PCCA: variants seen among roughly 807,000 people sequenced by gnomAD.
PCCA encodes the protein propionyl-CoA carboxylase alpha chain, mitochondrial.
A neutral mutation model predicts 101.3 loss-of-function variants in PCCA; 74 were observed. The observed-to-expected ratio is 0.73, with a 90% CI of 0.61 to 0.89. PCCA has a LOEUF of 0.89. Among genes scored for constraint, PCCA ranks in the 40% least tolerant of loss-of-function variants. The probability of loss-of-function intolerance (pLI) is 0.00; values close to 1 mark genes in which losing one functional copy is unlikely to be tolerated. For synonymous variants in PCCA, 294 were observed against 313.6 expected (o/e 0.94, Z 0.66); for missense variants, 891 against 907.0 (o/e 0.98, Z 0.23).
chr13:100,291,153 C>T (rs968370905), intron 12 of PCCA, among the ~76,000 whole-genome samples: 2 of 152,172 alleles, frequency 1.3e-5, no homozygotes, highest in African/African-American at 4.8e-5. Context: ...TGGCTCATGC[C>T]TGTAATCCCA....
chr13:100,492,008 G>A (rs188750070), intron 21 of PCCA, among the ~76,000 whole-genome samples: 2 of 152,302 alleles, frequency 1.3e-5, no homozygotes, highest in East Asian at 3.9e-4. Context: ...TTTTTGGAAT[G>A]TAGGGAAAGA....
At chr13:100,524,065 C>T (rs547231251) in intron 22 of PCCA, among the ~76,000 whole-genome samples, 1 of 152,336 alleles carries the variant, frequency 6.6e-6, no homozygotes, top group African/African-American at 2.4e-5. Flanking sequence ...CCCTGGTGTA[C>T]CCTACATGTA....
chr13:100,225,770 A>G (rs1382001571), intron 7 of PCCA, among the ~76,000 whole-genome samples: 1 of 152,350 alleles, frequency 6.6e-6, no homozygotes. Flanking sequence ...AATGATAGAA[A>G]AGTGTACTAA....
At position 100,300,996 on chromosome 13, in the gene PCCA, G is replaced by C. The variant is rs1404722140; in HGVS notation, c.1066-464G>C. ...CAAGATTACACTAATCTGGCTGCTT[G>C]TCAGGACAGGTTAGTGAAAGCATGC... is the stretch of plus-strand genomic sequence containing the variant. On this transcript the variant is annotated intron_variant, in intron 12 of 23. Coordinates refer to ENST00000376285, the MANE Select transcript of PCCA (RefSeq NM_000282.4). Among the ~76,000 whole-genome samples, 3 of 152,244 alleles carry C rather than the reference G, an allele frequency of 2.0e-5. No homozygotes were observed. In the East Asian group the frequency reaches 5.8e-4, roughly 29 times the overall value.
At chr13:100,176,759 A>G (rs775723310) in intron 6 of PCCA, among the ~76,000 whole-genome samples, 1 of 152,232 alleles carries the variant, frequency 6.6e-6, no homozygotes, top group African/African-American at 2.4e-5. Flanking sequence ...TTAAGTCTTT[A>G]TATTAGTTTT....
chr13:100,263,832 ATCTGTATATCG>A (rs1181317028), intron 10 of PCCA, among the ~76,000 whole-genome samples: 21 of 127,706 alleles, frequency 1.6e-4, no homozygotes, highest in South Asian at 2.3e-4. Context: ...TATATATGGT[ATCTGTATATCG>A]TATATATATA....
intron 6 of PCCA, among the ~76,000 whole-genome samples, chr13:100,159,546 AACTTC>A (rs1185661517): frequency 6.6e-6 from 1 of 152,166 alleles, no homozygotes; most frequent in Non-Finnish European, 1.5e-5. Flanking sequence ...ATACACAAAT[AACTTC>A]ACTTCAGGGA....
intron 6 of PCCA, among the ~76,000 whole-genome samples, chr13:100,188,502 T>C (rs1439756955): frequency 6.6e-6 from 1 of 152,256 alleles, no homozygotes; most frequent in Non-Finnish European, 1.5e-5. Context: ...AATTGCAAAT[T>C]GTGCTGCTAT....
intron 18 of PCCA, among the ~76,000 whole-genome samples, chr13:100,365,099 T>C (rs2152807028): frequency 6.6e-6 from 1 of 152,230 alleles, no homozygotes; most frequent in Non-Finnish European, 1.5e-5. Context: ...AGGAGTTAAG[T>C]TTGTAGAAGA....
intron 20 of PCCA, among the ~76,000 whole-genome samples, chr13:100,439,468 C>T (rs574143277): frequency 6.6e-6 from 1 of 152,210 alleles, no homozygotes; most frequent in South Asian, 2.1e-4. Flanking sequence ...TCCTCACAAA[C>T]CCCAGAACCT....
intron 16 of PCCA, among the ~76,000 whole-genome samples, chr13:100,327,284 T>C (rs953626534): frequency 3.3e-5 from 5 of 152,212 alleles, no homozygotes; most frequent in Non-Finnish European, 5.9e-5. Context: ...TAGGCTCGTT[T>C]GCATGTCCTA....
At chr13:100,115,405 G>C (rs1044937760) in intron 4 of PCCA, among the ~76,000 whole-genome samples, 1 of 152,086 alleles carries the variant, frequency 6.6e-6, no homozygotes, top group African/African-American at 2.4e-5. Flanking sequence ...GTACATTTTA[G>C]AATAATTTAG....
At chr13:100,327,392 A>T (rs1044929470) in intron 16 of PCCA, among the ~76,000 whole-genome samples, 6 of 152,102 alleles carry the variant, frequency 3.9e-5, no homozygotes, top group African/African-American at 9.7e-5. Context: ...CTTGTTATTT[A>T]ATGTGTTATT....
chr13:100,259,329 G>GTT (rs5806157), intron 9 of PCCA, among the ~76,000 whole-genome samples: 293 of 65,302 alleles, frequency 4.5e-3, no homozygotes, highest in Non-Finnish European at 5.2e-3. Context: ...AAATGTAATG[G>GTT]TTTTTTTTTT....
At chr13:100,358,655 A>G (rs527302043) in intron 18 of PCCA, among the ~76,000 whole-genome samples, 10 of 152,322 alleles carry the variant, frequency 6.6e-5, no homozygotes, top group South Asian at 2.1e-4. Context: ...AGATTATGCA[A>G]TCTGAAAAAA....
chr13:100,327,466 T>C (rs1353801637), intron 16 of PCCA, among the ~76,000 whole-genome samples: 2 of 152,254 alleles, frequency 1.3e-5, no homozygotes, highest in African/African-American at 4.8e-5. Flanking sequence ...TGTTAATTCA[T>C]TTGCCTCTTA....
In PCCA at chr13:100,250,854, G is replaced by A. The variant is rs568029717; in HGVS notation, c.638-6741G>A. Among the ~76,000 whole-genome samples, 12 of 152,162 alleles carry A rather than the reference G, an allele frequency of 7.9e-5. No homozygotes were observed. In the South Asian group the frequency reaches 2.3e-3, roughly 29 times the overall value. On this transcript the variant is annotated intron_variant, in intron 8 of 23. Coordinates refer to ENST00000376285, the MANE Select transcript of PCCA (RefSeq NM_000282.4). Reference sequence around the variant, plus strand: ...CAAGTCTAGCATAGTCCTTTCTCGTGTTCTGATTAAACAAGCTTGTATTAT... The same window carrying A: ...CAAGTCTAGCATAGTCCTTTCTCGTATTCTGATTAAACAAGCTTGTATTAT...
intron 16 of PCCA, among the ~76,000 whole-genome samples, chr13:100,328,912 T>G (rs2069110594): frequency 2.0e-5 from 3 of 151,464 alleles, no homozygotes. Context: ...CAGGCTGGTC[T>G]CGAACTCCTT....
rs560559393 is a variant in PCCA, at chr13:100,343,566, G to A, written c.1643+3307G>A. On this transcript the variant is annotated intron_variant, in intron 18 of 23. Coordinates refer to ENST00000376285, the MANE Select transcript of PCCA (RefSeq NM_000282.4). ...CATTTATTTGAAATTTCTAGGGAAG[G>A]CAAAAAGTATAAAGAACAAAAGAAA... Among the ~76,000 whole-genome samples, 17 of 152,320 alleles carry A rather than the reference G, an allele frequency of 1.1e-4. No individual in the cohort carries two copies. The South Asian group carries it at 3.5e-3, about 32-fold the overall frequency.
Sources: gnomAD v4.1 joint callset for allele counts (sites outside exome capture counted in the v4.1 genomes callset) on GRCh38, gnomAD v4.1.1 for gene constraint, MANE v1.5 for transcripts, NCBI Gene and HGNC (gene_info 2026-07-23, HGNC 2026-07-21) for gene names.